ASTN1: variants seen among roughly 807,000 people sequenced by gnomAD.
ASTN1 encodes astrotactin-1.
ASTN1 carries 41 observed loss-of-function variants against 140.7 expected under a neutral mutation model. The observed-to-expected ratio is 0.29, with a 90% CI of 0.23 to 0.38. ASTN1 has a LOEUF of 0.38. Among genes scored for constraint, ASTN1 ranks in the 10% least tolerant of loss-of-function variants. The pLI is 1.00. For synonymous variants in ASTN1, 640 were observed against 652.2 expected (o/e 0.98, Z 0.29); for missense variants, 1,479 against 1,678.8 (o/e 0.88, Z 2.08).
intron 16 of ASTN1, among the ~76,000 whole-genome samples, chr1:176,911,836 C>T (rs542177982): frequency 2.8e-4 from 42 of 152,208 alleles, no homozygotes; most frequent in Non-Finnish European, 4.9e-4. Context: ...TCAGGTATTA[C>T]GTACTGTACA....
chr1:176,884,089 A>G (rs1668925187), intron 19 of ASTN1, among the ~76,000 whole-genome samples: 1 of 152,226 alleles, frequency 6.6e-6, no homozygotes, highest in Non-Finnish European at 1.5e-5. Flanking sequence ...TTTTATAAAC[A>G]AAAAACAAAA....
intron 1 of ASTN1, among the ~76,000 whole-genome samples, chr1:177,139,087 G>A (rs1682337217): frequency 6.6e-6 from 1 of 152,180 alleles, no homozygotes; most frequent in South Asian, 2.1e-4. Context: ...CTCAACAGAT[G>A]AGAACTCATG....
chr1:176,861,325 A>G lies in ASTN1; in HGVS notation c.*2959T>C, dbSNP rs1443328925. On this transcript the variant is annotated 3_prime_UTR_variant, in exon 23 of 23. Coordinates refer to ENST00000361833, the MANE Select transcript of ASTN1 (RefSeq NM_004319.3). The stretch of plus-strand genomic sequence containing the variant: ...CGATTGCACACTCAATTAAAAGTCT[A>G]ATGCTATTACAGTGGTTCATGTACA... The G allele has an allele frequency of 4.1e-6, 4 of 985,746 alleles. No individual in the cohort carries two copies. Among genetic ancestry groups the G allele is most frequent in the Non-Finnish European group, 4.8e-6 (4 of 829,926 alleles). 61.1% of individuals were successfully genotyped at this position (985,746 alleles called of 1,614,324 possible). A position where few individuals can be genotyped will look rare whatever the true frequency, so the allele number is the denominator to read the frequency against.
At chr1:176,946,265 T>C in intron 12 of ASTN1, 145 bp from the exon 13 acceptor site, 1 of 827,358 alleles carries the variant, frequency 1.2e-6, no homozygotes, top group South Asian at 2.6e-5. Flanking sequence ...CCAATTTGAT[T>C]TTGACTCATT....
At chr1:177,156,949 A>C (rs1683263534) in intron 1 of ASTN1, among the ~76,000 whole-genome samples, 1 of 152,200 alleles carries the variant, frequency 6.6e-6, no homozygotes, top group African/African-American at 2.4e-5. Flanking sequence ...GGAACATTCT[A>C]CAAAGTACCT....
chr1:176,887,598 T>G (rs942219616), intron 18 of ASTN1, among the ~76,000 whole-genome samples: 9 of 152,228 alleles, frequency 5.9e-5, no homozygotes, highest in Non-Finnish European at 1.2e-4. Flanking sequence ...CATTTTTTTT[T>G]GTCTATTAAA....
At chr1:177,102,880 T>C (rs1028918798) in intron 1 of ASTN1, among the ~76,000 whole-genome samples, 4 of 152,182 alleles carry the variant, frequency 2.6e-5, no homozygotes, top group African/African-American at 9.7e-5. Context: ...CCCAAAAGAC[T>C]TCAGAGAAAC....
In ASTN1 at chr1:177,024,641, G is replaced by A; in HGVS notation, c.1212C>T (p.Val404=). Residue 404 remains valine, a synonymous_variant, in exon 6 of 23, where the codon GTC becomes GTT. Transcript: ENST00000361833. ...CVIGLVCSSH[V]NCPLVVKITL... ...TGATCTTGACAACGAGAGGGCAGTT[G>A]ACGTGAGAGGAGCACACGAGGCCAA... 2 of 1,614,050 alleles carry A rather than the reference G, an allele frequency of 1.2e-6. No individual in the cohort carries two copies. The highest frequency in any genetic ancestry group is 1.7e-6 in the Non-Finnish European group (2 of 1,179,986).
intron 2 of ASTN1, among the ~76,000 whole-genome samples, chr1:177,038,943 C>T (rs772110897): frequency 6.6e-6 from 1 of 152,166 alleles, no homozygotes; most frequent in Non-Finnish European, 1.5e-5. Flanking sequence ...AGAGGTAATA[C>T]TCTGGTAACA....
intron 1 of ASTN1, among the ~76,000 whole-genome samples, chr1:177,082,425 A>T (rs1388454207): frequency 6.6e-6 from 1 of 152,126 alleles, no homozygotes; most frequent in African/African-American, 2.4e-5. Context: ...TTTCACTCCC[A>T]TGGCTCTCTT....
At chr1:177,120,688 C>T (rs1425525252) in intron 1 of ASTN1, among the ~76,000 whole-genome samples, 1 of 152,190 alleles carries the variant, frequency 6.6e-6, no homozygotes, top group East Asian at 1.9e-4. Flanking sequence ...TCCTATCTCA[C>T]TCAAACAGGC....
intron 16 of ASTN1, among the ~76,000 whole-genome samples, chr1:176,907,285 GC>G (rs1670045302): frequency 6.6e-6 from 1 of 152,132 alleles, no homozygotes; most frequent in Admixed American, 6.5e-5. Flanking sequence ...TGGTCAGAAC[GC>G]TTTTTATAAA....
At chr1:177,158,664 G>C (rs1352852783) in intron 1 of ASTN1, among the ~76,000 whole-genome samples, 2 of 150,292 alleles carry the variant, frequency 1.3e-5, no homozygotes, top group African/African-American at 4.9e-5. Flanking sequence ...ACGTGTGTGT[G>C]TGTGTGTGTG....
intron 7 of ASTN1, among the ~76,000 whole-genome samples, chr1:177,015,302 A>G (rs1227399651): frequency 6.6e-6 from 1 of 152,230 alleles, no homozygotes; most frequent in Non-Finnish European, 1.5e-5. Context: ...CTTGGAAAGT[A>G]GGTATTATTG....
At chr1:177,114,309 C>T (rs1680968227) in intron 1 of ASTN1, among the ~76,000 whole-genome samples, 1 of 152,098 alleles carries the variant, frequency 6.6e-6, no homozygotes. Flanking sequence ...ATCATAGTGC[C>T]TAACATGTAA....
At chr1:176,902,274 G>T (rs1571483806) in intron 16 of ASTN1, among the ~76,000 whole-genome samples, 1 of 152,180 alleles carries the variant, frequency 6.6e-6, no homozygotes, top group African/African-American at 2.4e-5. Flanking sequence ...TTTCCTGCCT[G>T]CCTCATGAAG....
chr1:176,951,184 C>T (rs1672178390), intron 11 of ASTN1, among the ~76,000 whole-genome samples: 3 of 152,208 alleles, frequency 2.0e-5, no homozygotes. Context: ...CAAGGGCTGC[C>T]TCGTGCTGTG....
At chr1:176,988,332 A>AC (rs1553239086) in intron 8 of ASTN1, among the ~76,000 whole-genome samples, 3 of 151,714 alleles carry the variant, frequency 2.0e-5, no homozygotes, top group African/African-American at 7.3e-5. Flanking sequence ...AAAAAAAAAA[A>AC]ACCTTTCCTT....
At chr1:176,938,101 T>TC (rs1256536201) in intron 14 of ASTN1, among the ~76,000 whole-genome samples, 1 of 152,240 alleles carries the variant, frequency 6.6e-6, no homozygotes, top group Non-Finnish European at 1.5e-5. Flanking sequence ...GAGAAGGTTT[T>TC]TAGTATTCTT....
Sources: gnomAD v4.1 joint callset for allele counts (sites outside exome capture counted in the v4.1 genomes callset) on GRCh38, gnomAD v4.1.1 for gene constraint, MANE v1.5 for transcripts, NCBI Gene and HGNC (gene_info 2026-07-23, HGNC 2026-07-21) for gene names.